SYNGR3: variants seen among roughly 807,000 people sequenced by gnomAD.
SYNGR3 encodes synaptogyrin-3.
A neutral mutation model predicts 18.5 loss-of-function variants in SYNGR3; 10 were observed. The ratio of observed to expected loss-of-function variants is 0.54; its 90% CI spans 0.33 to 0.92. SYNGR3 has a LOEUF of 0.92. Among genes scored for constraint, SYNGR3 ranks in the 40% least tolerant of loss-of-function variants. The pLI is 0.02. For synonymous variants in SYNGR3, 188 were observed against 157.2 expected, an observed-to-expected ratio of 1.20 and a Z score of -1.47; for missense variants, 335 against 332.8, an observed-to-expected ratio of 1.01 and a Z score of -0.05.
At chr16:1,992,292 T>C (rs2083608340) in intron 2 of SYNGR3, 81 bp downstream of exon 2, 3 of 779,970 alleles carry the variant, frequency 3.8e-6, no homozygotes, top group African/African-American at 2.7e-5. Context: ...GGAACACCGC[T>C]GGAGTTTCCA....
rs1846588790 is a variant in SYNGR3 at position 1,993,145 on chromosome 16, T to G, written c.*73T>G. ...GGCCCCAGGGTCTCCGGGACCTCCCTTGGGTCCTTCCAGCTCAGTGCCGCG... is the reference window on the plus strand; with the variant it reads ...GGCCCCAGGGTCTCCGGGACCTCCCGTGGGTCCTTCCAGCTCAGTGCCGCG... On this transcript the variant is annotated 3_prime_UTR_variant, in exon 4 of 4. Transcript: ENST00000248121. 1.3e-6 allele frequency: 2 copies of G among 1,520,758 alleles called. No individual in the cohort carries two copies. The highest frequency in any genetic ancestry group is 1.8e-6 in the Non-Finnish European group (2 of 1,125,596). The allele number at this position is 1,520,758 out of a possible 1,614,324, so 94.2% of individuals were successfully genotyped here. A position where few individuals can be genotyped will look rare whatever the true frequency, so the allele number is the denominator to read the frequency against.
At chr16:1,991,885 CG>C in intron 1 of SYNGR3, 88 bp from the exon 2 acceptor site, 4 of 1,159,932 alleles carry the variant, frequency 3.4e-6, no homozygotes, top group Non-Finnish European at 4.7e-6. Flanking sequence ...GGCCTGGGAA[CG>C]CAGGGACAGG....
At position 1,992,092 on chromosome 16, in the gene SYNGR3, C is replaced by A; in HGVS notation, c.218C>A (p.Ala73Glu). ...GCGGGCGCCTGCCGCTTCGGCGTCGCGCTGGGCCTCGGAGCCTTCCTCGCC... is the reference window on the plus strand; with the variant it reads ...GCGGGCGCCTGCCGCTTCGGCGTCGAGCTGGGCCTCGGAGCCTTCCTCGCC... ...GNAGACRFGV[A>E]LGLGAFLACA... Residue 73 changes from alanine to glutamate, a missense_variant, in exon 2 of 4, where the codon GCG becomes GAG. Coordinates refer to ENST00000248121, the MANE Select transcript of SYNGR3 (RefSeq NM_004209.6). 6.3e-7 allele frequency: 1 copy of A among 1,575,798 alleles called. No homozygotes were observed. Among genetic ancestry groups the A allele is most frequent in the Non-Finnish European group, 8.6e-7 (1 of 1,162,168 alleles).
intron 1 of SYNGR3, 117 bp from the exon 2 acceptor site, chr16:1,991,857 G>GC (rs1214026799): frequency 9.5e-6 from 8 of 839,930 alleles, no homozygotes; most frequent in African/African-American, 1.8e-5. Flanking sequence ...AGGTGACACC[G>GC]CCCCCCACCC....
rs1014348466 is a variant in SYNGR3 at position 1,991,823 on chromosome 16, T to C, written c.100-151T>C. The C allele has an allele frequency of 6.3e-6, 4 of 631,432 alleles. No homozygotes were observed. The African/African-American group carries it at 7.8e-5, about 12-fold the overall frequency. The allele number at this position is 631,432 out of a possible 1,614,324, so 39.1% of individuals were successfully genotyped here. ...GCCCGTGTTGTCAATAATTACTAAATACGCGAGGGTTCGGGAAAGAAAGAG... is the reference window on the plus strand; with the variant it reads ...GCCCGTGTTGTCAATAATTACTAAACACGCGAGGGTTCGGGAAAGAAAGAG... On this transcript the variant is annotated intron_variant, in intron 1 of 3. Transcript: ENST00000248121.
chr16:1,993,874 C>A lies in SYNGR3; in HGVS notation c.*802C>A. 3.1e-6 allele frequency: 1 copy of A among 320,944 alleles called. No individual in the cohort carries two copies. 19.9% of individuals were successfully genotyped at this position (320,944 alleles called of 1,614,324 possible). ...GAGGCTCCAGCTGGCCACCGTGCCC[C>A]ACAAGATGGCCCCTGTGTGGTTCCC... On this transcript the variant is annotated 3_prime_UTR_variant, in exon 4 of 4. Coordinates refer to ENST00000248121, the MANE Select transcript of SYNGR3 (RefSeq NM_004209.6).
intron 1 of SYNGR3, chr16:1,990,460 T>G: frequency 3.1e-5 from 16 of 523,392 alleles, no homozygotes; most frequent in East Asian, 4.5e-5. Context: ...CCTCTACCCC[T>G]ACCTCCTCCC....
intron 2 of SYNGR3, 99 bp from the exon 3 acceptor site, chr16:1,992,537 G>A: frequency 2.1e-6 from 3 of 1,414,888 alleles, no homozygotes; most frequent in South Asian, 2.8e-5. Flanking sequence ...CCCAGGCGAG[G>A]CGCCCCAAGC....
In SYNGR3 at chr16:1,992,222, C is replaced by T; in HGVS notation, c.337+11C>T. 1 of 934,142 alleles carries T rather than the reference C, an allele frequency of 1.1e-6. No individual in the cohort carries two copies. The highest frequency in any genetic ancestry group is 1.2e-6 in the Non-Finnish European group (1 of 804,318). The allele number at this position is 934,142 out of a possible 1,614,324, so 57.9% of individuals were successfully genotyped here. ...ACCTGGGCTTCTCAGGTGGGCGGGG[C>T]CGGGGCGGTGAGCGCGGAGAGCCTT... On this transcript the variant is annotated intron_variant, in intron 2 of 3. Coordinates refer to ENST00000248121, the MANE Select transcript of SYNGR3 (RefSeq NM_004209.6).
chr16:1,991,929 A>T, intron 1 of SYNGR3, 45 bp from the exon 2 acceptor site: 1 of 1,524,150 alleles, frequency 6.6e-7, no homozygotes, highest in East Asian at 2.5e-5. Context: ...GCGGGCTCGC[A>T]GAGGTCGGGT....
Position 1,992,845 on chromosome 16 carries a change from T to C in SYNGR3, c.481-18T>C, listed in dbSNP as rs571920034. ...CTCGGCTGATCCCGGCTGACCCCGC[T>C]GACCCCGCCCCGCGCAGGTGGCGCT... On this transcript the variant is annotated intron_variant, in intron 3 of 3. Coordinates refer to ENST00000248121, the MANE Select transcript of SYNGR3 (RefSeq NM_004209.6). 6.5e-7 allele frequency: 1 copy of C among 1,530,662 alleles called. No homozygotes were observed. Among genetic ancestry groups the C allele is most frequent in the South Asian group, 1.3e-5 (1 of 79,184 alleles). The allele number at this position is 1,530,662 out of a possible 1,614,324, so 94.8% of individuals were successfully genotyped here. A position where few individuals can be genotyped will look rare whatever the true frequency, so the allele number is the denominator to read the frequency against.
At position 1,992,102 on chromosome 16, in the gene SYNGR3, C is replaced by CG; in HGVS notation, c.230dup (p.Ala78SerfsTer230). 1 of 1,572,636 alleles carries CG rather than the reference C, an allele frequency of 6.4e-7. No individual in the cohort carries two copies. The highest frequency in any genetic ancestry group is 8.6e-7 in the Non-Finnish European group (1 of 1,161,052). ...GCCGCTTCGGCGTCGCGCTGGGCCT[C>CG]GGAGCCTTCCTCGCCTGCGCCGCCT... On this transcript the variant is annotated frameshift_variant, in exon 2 of 4. Transcript: ENST00000248121. LOFTEE classifies it high-confidence loss of function.
rs1483436123 is a variant in SYNGR3 at position 1,992,896 on chromosome 16, C to T, written c.514C>T (p.Arg172Cys). The change falls in exon 4 of 4, where the codon CGC becomes TGC. Residue 172 changes from arginine to cysteine, a missense_variant. Coordinates refer to ENST00000248121, the MANE Select transcript of SYNGR3 (RefSeq NM_004209.6). ...ALTVKALQRF[R>C]LGTDMSLFAT... Reference sequence around the variant, plus strand: ...CACCGTGAAGGCCCTGCAGCGGTTCCGCCTGGGCACCGACATGTCACTCTT... The same window carrying T: ...CACCGTGAAGGCCCTGCAGCGGTTCTGCCTGGGCACCGACATGTCACTCTT... The T allele has an allele frequency of 1.2e-6, 2 of 1,602,922 alleles. No individual in the cohort carries two copies. Among genetic ancestry groups the T allele is most frequent in the Non-Finnish European group, 1.7e-6 (2 of 1,174,396 alleles).
rs377617185 is a variant in SYNGR3 at position 1,992,899 on chromosome 16, C to T, written c.517C>T (p.Leu173=). 9.3e-6 allele frequency: 15 copies of T among 1,604,556 alleles called. No individual in the cohort carries two copies. The highest frequency in any genetic ancestry group is 1.3e-5 in the Non-Finnish European group (15 of 1,175,250). ...CGTGAAGGCCCTGCAGCGGTTCCGCCTGGGCACCGACATGTCACTCTTCGC... is the reference window on the plus strand; with the variant it reads ...CGTGAAGGCCCTGCAGCGGTTCCGCTTGGGCACCGACATGTCACTCTTCGC... The part of the protein sequence containing the change: ...LTVKALQRFR[L]GTDMSLFATE... The change falls in exon 4 of 4, where the codon CTG becomes TTG. Residue 173 remains leucine, a synonymous_variant. Coordinates refer to ENST00000248121, the MANE Select transcript of SYNGR3 (RefSeq NM_004209.6).
Position 1,993,585 on chromosome 16 carries a change from A to T in SYNGR3, c.*513A>T. 2 of 457,452 alleles carry T rather than the reference A, an allele frequency of 4.4e-6. No homozygotes were observed. Among genetic ancestry groups the T allele is most frequent in the Non-Finnish European group, 8.8e-6 (2 of 227,662 alleles). 28.3% of individuals were successfully genotyped at this position (457,452 alleles called of 1,614,324 possible). A position where few individuals can be genotyped will look rare whatever the true frequency, so the allele number is the denominator to read the frequency against. The stretch of plus-strand genomic sequence containing the variant: ...CCGGAGCCACTCTCCACTTTCTCTC[A>T]CAGGCTGCTAGAACAGCCCAGCCCT... On this transcript the variant is annotated 3_prime_UTR_variant, in exon 4 of 4. Transcript: ENST00000248121.
chr16:1,990,123 C>T lies in SYNGR3; in HGVS notation c.21C>T (p.Gly7=). The stretch of plus-strand genomic sequence containing the variant: ...CGGCCATGGAGGGCGCCTCCTTCGG[C>T]GCGGGCCGCGCAGGGGCCGCCCTGG... MEGASF[G]AGRAGAALDP... is the part of the protein sequence containing the mutation. Residue 7 remains glycine (G), a synonymous_variant, in exon 1 of 4, where the codon GGC becomes GGT. Transcript: ENST00000248121. 1.6e-6 allele frequency: 2 copies of T among 1,219,448 alleles called. No individual in the cohort carries two copies. Among genetic ancestry groups the T allele is most frequent in the Non-Finnish European group, 2.0e-6 (2 of 979,474 alleles). The allele number at this position is 1,219,448 out of a possible 1,614,324, so 75.5% of individuals were successfully genotyped here.
chr16:1,989,971 AGGCGGCAGC>A lies in SYNGR3; in HGVS notation c.-128_-120del, dbSNP rs1403297896. 8.4e-6 allele frequency: 2 copies of A among 238,652 alleles called. No homozygotes were observed. The highest frequency in any genetic ancestry group is 1.5e-5 in the Non-Finnish European group (2 of 135,520). The allele number at this position is 238,652 out of a possible 1,614,324, so 14.8% of individuals were successfully genotyped here. A position where few individuals can be genotyped will look rare whatever the true frequency, so the allele number is the denominator to read the frequency against. Reference sequence around the variant, plus strand: ...GCCGCGGCCGGCGCGCGCTCCCGGGAGGCGGCAGCGGCTGCAGCGTTGGTAGCATCAGCA... The same window carrying A: ...GCCGCGGCCGGCGCGCGCTCCCGGGAGGCTGCAGCGTTGGTAGCATCAGCA... On this transcript the variant is annotated 5_prime_UTR_variant, in exon 1 of 4. Transcript: ENST00000248121.
At chr16:1,991,953 T>C (rs1188939068) in intron 1 of SYNGR3, 21 bp from the exon 2 acceptor site, 8 of 1,579,386 alleles carry the variant, frequency 5.1e-6, no homozygotes, top group Non-Finnish European at 6.9e-6. Context: ...CGCAGGGCCC[T>C]GAGCGCCGCG....
Position 1,992,664 on chromosome 16 carries a change from C to A in SYNGR3, c.366C>A (p.Gly122=). 6.2e-7 allele frequency: 1 copy of A among 1,606,508 alleles called. No homozygotes were observed. ...SGLWSFLWFV[G]FCFLTNQWQR... ...TCTGGTCCTTCCTGTGGTTCGTGGG[C>A]TTCTGCTTCCTCACCAATCAGTGGC... Residue 122 remains glycine, a synonymous_variant, in exon 3 of 4, where the codon GGC becomes GGA. Coordinates refer to ENST00000248121, the MANE Select transcript of SYNGR3 (RefSeq NM_004209.6).
Sources: gnomAD v4.1 joint callset for allele counts on GRCh38, gnomAD v4.1.1 for gene constraint, MANE v1.5 for transcripts, NCBI Gene and HGNC (gene_info 2026-07-23, HGNC 2026-07-21) for gene names.